The following XYLT1 variants were observed in gnomAD, a reference collection of about 807,000 sequenced individuals.
The protein encoded by XYLT1 is xylosyltransferase 1.
A neutral mutation model predicts 91.3 loss-of-function variants in XYLT1; 36 were observed. That is an observed-to-expected ratio of 0.39 (90% CI 0.30 to 0.52). XYLT1 has a LOEUF of 0.52. XYLT1 is among the 20% of genes least tolerant of loss of function. XYLT1 has a pLI of 0.68. For synonymous variants in XYLT1, 588 were observed against 532.0 expected (o/e 1.11, Z -1.45); for missense variants, 1,242 against 1,284.5 (o/e 0.97, Z 0.51).
At chr16:17,461,043 G>A (rs552973082) in intron 1 of XYLT1, among the ~76,000 whole-genome samples, 337 of 152,308 alleles carry the variant, frequency 2.2e-3, no homozygotes, top group Non-Finnish European at 2.7e-3. Context: ...CCATACCACC[G>A]ATGATGTCAG....
rs550488299 is a variant in XYLT1, at chr16:17,192,092, C to CTT, written c.1289+6118_1289+6119dup. On this transcript the variant is annotated intron_variant, in intron 5 of 11. Transcript: ENST00000261381. The stretch of plus-strand genomic sequence containing the variant: ...TGAGGCGTGAGGTCTCTCTCTCTCT[C>CTT]TTTTTTTTTTTTTTTTTTTTTTTTA... Among the ~76,000 whole-genome samples, 883 of 126,704 alleles carry CTT rather than the reference C, an allele frequency of 7.0e-3. 27 individuals are homozygous for CTT. Among genetic ancestry groups the CTT allele is most frequent in the African/African-American group, 0.025 (816 of 32,208 alleles). The allele number at this position is 126,704 out of a possible 152,430, so 83.1% of individuals were successfully genotyped here. A position where few individuals can be genotyped will look rare whatever the true frequency, so the allele number is the denominator to read the frequency against.
At chr16:17,333,959 A>T (rs1282435330) in intron 2 of XYLT1, among the ~76,000 whole-genome samples, 2 of 152,190 alleles carry the variant, frequency 1.3e-5, no homozygotes, top group Admixed American at 1.3e-4. Context: ...AGGCCAGAAG[A>T]GTTCCGCTAT....
In XYLT1 at chr16:17,391,425, CAG is replaced by C. The variant is rs1413970376; in HGVS notation, c.364-33377_364-33376del. Among the ~76,000 whole-genome samples, 8 of 152,198 alleles carry C rather than the reference CAG, an allele frequency of 5.3e-5. No homozygotes were observed. The South Asian group carries it at 6.2e-4, about 12-fold the overall frequency. On this transcript the variant is annotated intron_variant, in intron 1 of 11. Coordinates refer to ENST00000261381, the MANE Select transcript of XYLT1 (RefSeq NM_022166.4). ...TGAAAAACACTAGCCTCAAAATTTCCAGAGAGACTGATTTGAATCATAAAACT... is the reference window on the plus strand; with the variant it reads ...TGAAAAACACTAGCCTCAAAATTTCCAGAGACTGATTTGAATCATAAAACT...
rs533711085 is a variant in XYLT1, at chr16:17,400,297, T to G, written c.364-42247A>C. ...ATAGTACCTACTGTCCCCAAAGAAC[T>G]TGCAGTTTAGGGGCTGGGCGCCATG... is the stretch of plus-strand genomic sequence containing the variant. On this transcript the variant is annotated intron_variant, in intron 1 of 11. Coordinates refer to ENST00000261381, the MANE Select transcript of XYLT1 (RefSeq NM_022166.4). 1.5e-4 allele frequency among the ~76,000 whole-genome samples: 23 copies of G among 152,228 alleles called. No homozygotes were observed. The South Asian group carries it at 4.1e-3, about 27-fold the overall frequency.
intron 11 of XYLT1, among the ~76,000 whole-genome samples, chr16:17,110,390 C>T (rs535512408): frequency 1.3e-5 from 2 of 152,214 alleles, no homozygotes; most frequent in Admixed American, 6.5e-5. Context: ...GAGTTTTTGC[C>T]ATGTTGTTCT....
At chr16:17,364,421 G>A (rs910325703) in intron 1 of XYLT1, among the ~76,000 whole-genome samples, 14 of 152,104 alleles carry the variant, frequency 9.2e-5, no homozygotes, top group Non-Finnish European at 1.8e-4. Context: ...ATGAGTTGTC[G>A]TGAACATTAA....
chr16:17,358,232 C>A (rs946420275), intron 1 of XYLT1, among the ~76,000 whole-genome samples, 182 bp from the exon 2 acceptor site: 2 of 151,588 alleles, frequency 1.3e-5, no homozygotes, highest in Non-Finnish European at 2.9e-5. Flanking sequence ...CTCCAGGGCT[C>A]AAGTGATCCT....
intron 5 of XYLT1, among the ~76,000 whole-genome samples, chr16:17,168,449 G>C (rs766005326): frequency 5.1e-4 from 77 of 152,128 alleles, no homozygotes; most frequent in Non-Finnish European, 9.7e-4. Flanking sequence ...GAGGGAAGAG[G>C]AGGAGGGCAA....
intron 5 of XYLT1, among the ~76,000 whole-genome samples, chr16:17,174,873 C>T (rs1006734018): frequency 1.4e-4 from 21 of 152,118 alleles, no homozygotes; most frequent in African/African-American, 4.8e-4. Flanking sequence ...TGGGTTGAAG[C>T]GATTCTCTTG....
At chr16:17,320,587 C>T (rs1157210691) in intron 2 of XYLT1, among the ~76,000 whole-genome samples, 1 of 148,856 alleles carries the variant, frequency 6.7e-6, no homozygotes, top group Non-Finnish European at 1.5e-5. Flanking sequence ...TCAAGCGATT[C>T]TCCTGCCTCA....
chr16:17,158,532 C>T (rs1327931599), intron 6 of XYLT1, among the ~76,000 whole-genome samples: 1 of 152,192 alleles, frequency 6.6e-6, no homozygotes, highest in Non-Finnish European at 1.5e-5. Flanking sequence ...TGAGAATTAA[C>T]CGTGGGTGCC....
At chr16:17,394,328 C>T (rs903208628) in intron 1 of XYLT1, among the ~76,000 whole-genome samples, 1 of 152,174 alleles carries the variant, frequency 6.6e-6, no homozygotes, top group Non-Finnish European at 1.5e-5. Context: ...TTGCAGTTCA[C>T]GGAGAACAGA....
intron 1 of XYLT1, 53 bp from the exon 2 acceptor site, chr16:17,358,103 C>G: frequency 6.5e-7 from 1 of 1,528,244 alleles, no homozygotes; most frequent in Non-Finnish European, 8.9e-7. Context: ...AGTTAACTTA[C>G]TACCCCAGCA....
chr16:17,251,725 G>A (rs985341241), intron 3 of XYLT1, among the ~76,000 whole-genome samples: 7 of 152,192 alleles, frequency 4.6e-5, no homozygotes, highest in African/African-American at 1.4e-4. Context: ...CCTATGGGTC[G>A]CAGGTGAAAC....
At chr16:17,235,511 G>A (rs1230871164) in intron 3 of XYLT1, among the ~76,000 whole-genome samples, 2 of 152,146 alleles carry the variant, frequency 1.3e-5, no homozygotes, top group East Asian at 3.9e-4. Flanking sequence ...CAAACTCGAA[G>A]GGCCCCGTCT....
chr16:17,321,280 A>G (rs926037445), intron 2 of XYLT1, among the ~76,000 whole-genome samples: 17 of 147,574 alleles, frequency 1.2e-4, no homozygotes, highest in African/African-American at 4.0e-4. Context: ...GCCCTCCCCA[A>G]CAAACTTTAC....
intron 6 of XYLT1, among the ~76,000 whole-genome samples, chr16:17,146,514 C>T (rs1184859049): frequency 2.6e-5 from 4 of 151,988 alleles, no homozygotes; most frequent in Admixed American, 6.5e-5. Context: ...ATAATGGAAG[C>T]GTGTGAAGCA....
At chr16:17,225,175 A>ACTCT (rs1340850799) in intron 3 of XYLT1, among the ~76,000 whole-genome samples, 26 of 88,086 alleles carry the variant, frequency 3.0e-4, no homozygotes, top group South Asian at 1.8e-3. Context: ...ACACACACAC[A>ACTCT]CACTCTCTCT....
intron 1 of XYLT1, among the ~76,000 whole-genome samples, chr16:17,461,435 A>AGGAG (rs1164265397): frequency 3.3e-5 from 5 of 152,234 alleles, no homozygotes; most frequent in African/African-American, 1.2e-4. Context: ...CCTGGAGGGC[A>AGGAG]GGAGGCACAT....
Sources: allele counts gnomAD v4.1 joint callset (sites outside exome capture counted in the v4.1 genomes callset), GRCh38; gene constraint gnomAD v4.1.1; transcripts MANE v1.5; gene names NCBI Gene and HGNC (gene_info 2026-07-23, HGNC 2026-07-21).